Variants in KIF6 observed in about 807,000 individuals in gnomAD.
KIF6 encodes the protein kinesin-like protein KIF6.
In KIF6, 106 loss-of-function variants were observed where a neutral mutation model predicts 112.7. The ratio of observed to expected loss-of-function variants is 0.94; its 90% CI spans 0.80 to 1.11. KIF6 has a LOEUF of 1.11. KIF6 is among the 50% of genes least tolerant of loss of function. The pLI is 0.00. For missense variants in KIF6, 929 were observed against 964.0 expected (o/e 0.96, Z 0.48); for synonymous variants, 339 against 339.9 (o/e 1.00, Z 0.03).
At chr6:39,718,536 G>C (rs980933274) in intron 2 of KIF6, 1 of 151,474 alleles carries the variant, frequency 6.6e-6, no homozygotes, top group Non-Finnish European at 1.5e-5. Flanking sequence ...CTTGAGCCCA[G>C]GAGTTCAAGA....
chr6:39,616,478 C>T (rs1783527516), intron 5 of KIF6, among the ~76,000 whole-genome samples: 1 of 152,172 alleles, frequency 6.6e-6, no homozygotes. Context: ...CTTTCATGGG[C>T]TTCCCCCTGC....
chr6:39,642,363 C>G (rs369108870), intron 3 of KIF6, among the ~76,000 whole-genome samples: 1 of 152,134 alleles, frequency 6.6e-6, no homozygotes, highest in Non-Finnish European at 1.5e-5. Flanking sequence ...ACATTCCCAG[C>G]ACCTCTCCCT....
rs143685103 is a variant in KIF6, at chr6:39,464,546, T to A, written c.1646-33385A>T. On this transcript the variant is annotated intron_variant, in intron 13 of 22. Transcript: ENST00000287152. ...GCCATTCTCTTATAATCAGAAACTA[T>A]GAGCATCTGTTTAAAAGTGGAATCT... Among the ~76,000 whole-genome samples, 1,125 of 152,300 alleles carry A rather than the reference T, an allele frequency of 7.4e-3. 9 individuals carry two copies. The highest frequency in any genetic ancestry group is 0.014 in the Admixed American group (212 of 15,292).
intron 3 of KIF6, among the ~76,000 whole-genome samples, chr6:39,648,223 C>A (rs34725126): frequency 1.6e-5 from 1 of 61,718 alleles, no homozygotes; most frequent in African/African-American, 6.4e-5. Context: ...GGGGGGCGGG[C>A]GGGGGGGGGT....
chr6:39,383,495 C>T lies in KIF6; in HGVS notation c.1861+2127G>A, dbSNP rs572319945. On this transcript the variant is annotated intron_variant, in intron 16 of 22. Transcript: ENST00000287152. ...AGGTGTGCAGCTTTATTTCAGGAGT[C>T]TTTGTCTTGTTCCATTGGTCTATAT... 1.1e-4 allele frequency among the ~76,000 whole-genome samples: 16 copies of T among 152,220 alleles called. No homozygotes were observed. The East Asian group carries it at 2.9e-3, about 28-fold the overall frequency.
intron 16 of KIF6, among the ~76,000 whole-genome samples, chr6:39,377,594 C>A (rs1766550819): frequency 1.3e-5 from 2 of 152,184 alleles, no homozygotes; most frequent in Non-Finnish European, 2.9e-5. Context: ...GAGAAAGTGG[C>A]ATCAACAGCC....
At chr6:39,618,281 T>C (rs867702061) in intron 5 of KIF6, among the ~76,000 whole-genome samples, 3 of 152,220 alleles carry the variant, frequency 2.0e-5, no homozygotes, top group African/African-American at 7.2e-5. Context: ...ATCTTTTCTT[T>C]GTAGTTTTAT....
intron 15 of KIF6, among the ~76,000 whole-genome samples, chr6:39,419,350 T>C (rs1770173163): frequency 1.3e-5 from 1 of 74,822 alleles, no homozygotes; most frequent in African/African-American, 4.2e-5. Flanking sequence ...TGAGACTCTG[T>C]CTCAAAAAAA....
At chr6:39,593,274 C>T (rs1217750768) in intron 7 of KIF6, among the ~76,000 whole-genome samples, 1 of 152,196 alleles carries the variant, frequency 6.6e-6, no homozygotes, top group Admixed American at 6.5e-5. Context: ...TAAAGTACTA[C>T]ATAAAGAGAA....
At chr6:39,598,282 A>C (rs1424659704) in intron 6 of KIF6, among the ~76,000 whole-genome samples, 6 of 152,188 alleles carry the variant, frequency 3.9e-5, no homozygotes, top group African/African-American at 1.4e-4. Context: ...CTCATAAGGA[A>C]GAAATCTGGA....
intron 3 of KIF6, among the ~76,000 whole-genome samples, chr6:39,653,126 TA>T (rs1430226343): frequency 1.3e-5 from 2 of 152,366 alleles, no homozygotes; most frequent in African/African-American, 4.8e-5. Context: ...GTTCTCATCT[TA>T]AAACCACACC....
At chr6:39,528,625 C>T (rs2150538141) in intron 13 of KIF6, among the ~76,000 whole-genome samples, 1 of 152,294 alleles carries the variant, frequency 6.6e-6, no homozygotes, top group African/African-American at 2.4e-5. Flanking sequence ...CCACATCCTC[C>T]CCAACACTTG....
intron 19 of KIF6, among the ~76,000 whole-genome samples, chr6:39,349,400 C>A (rs1764040863): frequency 1.3e-5 from 2 of 151,844 alleles, no homozygotes; most frequent in Non-Finnish European, 2.9e-5. Flanking sequence ...AAAGAGGCAG[C>A]CCTGGCTGCA....
chr6:39,584,298 T>C (rs59125547), intron 9 of KIF6, among the ~76,000 whole-genome samples: 32,429 of 150,206 alleles, frequency 0.22, 4,696 homozygotes, highest in African/African-American at 0.4. Context: ...GCGGCGTGTG[T>C]CTGTGGTCCC....
At chr6:39,525,978 C>A (rs918859207) in intron 13 of KIF6, among the ~76,000 whole-genome samples, 1 of 152,170 alleles carries the variant, frequency 6.6e-6, no homozygotes, top group Admixed American at 6.5e-5. Flanking sequence ...GAACAATGCT[C>A]ATTTGTTTTG....
intron 10 of KIF6, among the ~76,000 whole-genome samples, chr6:39,559,284 C>T (rs1260437783): frequency 6.6e-6 from 1 of 152,122 alleles, no homozygotes; most frequent in Non-Finnish European, 1.5e-5. Context: ...AGCAGATAAT[C>T]TGCTAAATTT....
At chr6:39,619,870 C>T (rs917955438) in intron 5 of KIF6, among the ~76,000 whole-genome samples, 1 of 152,014 alleles carries the variant, frequency 6.6e-6, no homozygotes, top group South Asian at 2.1e-4. Context: ...AAATAATACC[C>T]AAATATAATA....
chr6:39,571,593 G>C (rs1186022166), intron 10 of KIF6, among the ~76,000 whole-genome samples: 2 of 152,028 alleles, frequency 1.3e-5, no homozygotes, highest in East Asian at 3.8e-4. Flanking sequence ...CTAGCACAAG[G>C]AGAGAGCAAA....
intron 13 of KIF6, among the ~76,000 whole-genome samples, chr6:39,503,554 A>C (rs1160916495): frequency 6.6e-6 from 1 of 152,064 alleles, no homozygotes; most frequent in Non-Finnish European, 1.5e-5. Context: ...TTTTTTGAAA[A>C]AATTAATAAA....
Sources: allele counts gnomAD v4.1 joint callset (sites outside exome capture counted in the v4.1 genomes callset), GRCh38; gene constraint gnomAD v4.1.1; transcripts MANE v1.5; gene names NCBI Gene and HGNC (gene_info 2026-07-23, HGNC 2026-07-21).